CFAP251: variants seen among roughly 807,000 people sequenced by gnomAD.
CFAP251 encodes cilia- and flagella-associated protein 251.
A neutral mutation model predicts 126.7 loss-of-function variants in CFAP251; 93 were observed. That is an observed-to-expected ratio of 0.73 (90% confidence interval 0.62 to 0.87). CFAP251 has a LOEUF of 0.87. Among genes scored for constraint, CFAP251 ranks in the 40% least tolerant of loss-of-function variants. The probability of loss-of-function intolerance (pLI) is 0.00; values close to 1 mark genes in which losing one functional copy is unlikely to be tolerated. For missense variants in CFAP251, 1,287 were observed against 1,389.2 expected, an observed-to-expected ratio of 0.93 and a Z score of 1.17; for synonymous variants, 503 against 506.9, an observed-to-expected ratio of 0.99 and a Z score of 0.10.
rs551861818 is a variant in CFAP251 at position 121,943,261 on chromosome 12, C to T, written c.1191+286C>T. On this transcript the variant is annotated intron_variant, in intron 7 of 21. Coordinates refer to ENST00000288912, the MANE Select transcript of CFAP251 (RefSeq NM_144668.6). The stretch of plus-strand genomic sequence containing the variant: ...CTGGGAGGCAGAGGTTGCAGTGAGC[C>T]GAGACTGCGCCACTGCACTCCAGCC... 3.9e-3 allele frequency among the ~76,000 whole-genome samples: 595 copies of T among 152,016 alleles called. 5 individuals are homozygous for T. The highest frequency in any genetic ancestry group is 0.014 in the South Asian group (68 of 4,802).
At chr12:122,003,139 C>G (rs548157464) in intron 21 of CFAP251, among the ~76,000 whole-genome samples, 2 of 152,282 alleles carry the variant, frequency 1.3e-5, no homozygotes, top group African/African-American at 4.8e-5. Context: ...TGGTTAACAG[C>G]GTTCTGTTCC....
intron 17 of CFAP251, chr12:121,969,080 G>A (rs897660551): frequency 6.1e-6 from 6 of 985,242 alleles, no homozygotes; most frequent in Admixed American, 1.2e-4. Flanking sequence ...GTAGTGTGAC[G>A]TTGAGGAGCA....
In CFAP251 at chr12:121,921,634, T is replaced by C. The variant is rs1367722235; in HGVS notation, c.329T>C (p.Leu110Ser). Residue 110 changes from leucine to serine, a missense_variant, in exon 2 of 22, where the codon TTG becomes TCG. Transcript: ENST00000288912. ...PQEVTASMIRLETQITDSQSI... is the reference protein window; with the variant it reads ...PQEVTASMIRSETQITDSQSI... ...GAAGTCACAGCGTCCATGATCCGTT[T>C]GGAGACACAGATTACTGATTCCCAG... 3 of 1,612,706 alleles carry C rather than the reference T, an allele frequency of 1.9e-6. No individual in the cohort carries two copies. Among genetic ancestry groups the C allele is most frequent in the Non-Finnish European group, 2.5e-6 (3 of 1,179,640 alleles).
At chr12:121,928,626 G>GTGTGTGTATA (rs148145141) in intron 3 of CFAP251, among the ~76,000 whole-genome samples, 2 of 43,182 alleles carry the variant, frequency 4.6e-5, no homozygotes, top group African/African-American at 9.9e-5. Flanking sequence ...ATGTATATGT[G>GTGTGTGTATA]TATATATATA....
At chr12:121,943,010 A>C in intron 7 of CFAP251, 35 bp downstream of exon 7, 1 of 1,606,994 alleles carries the variant, frequency 6.2e-7, no homozygotes, top group Non-Finnish European at 8.5e-7. Flanking sequence ...CATCAACCTG[A>C]AGTTATACAG....
Position 121,953,850 on chromosome 12 carries a change from A to T in CFAP251, c.1321-270A>T, listed in dbSNP as rs199622117. The T allele has an allele frequency of 2.7e-4, 106 of 398,444 alleles. No homozygotes were observed. The East Asian group carries it at 4.4e-3, about 17-fold the overall frequency. 24.7% of individuals were successfully genotyped at this position (398,444 alleles called of 1,614,324 possible). ...CCTCCATAAGAGAAGTTTAACAGGTATAAACAGTGATTAACCACTCTCTCG... is the reference window on the plus strand; with the variant it reads ...CCTCCATAAGAGAAGTTTAACAGGTTTAAACAGTGATTAACCACTCTCTCG... On this transcript the variant is annotated intron_variant, in intron 9 of 21. Transcript: ENST00000288912.
At chr12:121,996,513 G>A (rs1446618180) in intron 19 of CFAP251, among the ~76,000 whole-genome samples, 8 of 152,052 alleles carry the variant, frequency 5.3e-5, no homozygotes, top group African/African-American at 9.7e-5. Flanking sequence ...TCTCTTCCTC[G>A]TGTTTTGCCA....
chr12:121,936,315 T>C (rs973440560), intron 5 of CFAP251, among the ~76,000 whole-genome samples: 1 of 152,064 alleles, frequency 6.6e-6, no homozygotes, highest in Non-Finnish European at 1.5e-5. Context: ...CATGTGGTGG[T>C]GCATGCCTGT....
intron 3 of CFAP251, among the ~76,000 whole-genome samples, chr12:121,924,904 C>G (rs1388747849): frequency 6.6e-6 from 1 of 152,026 alleles, no homozygotes; most frequent in Non-Finnish European, 1.5e-5. Flanking sequence ...AAACTCCATT[C>G]CGCCCCTTTC....
chr12:121,968,987 G>A (rs543436409), intron 17 of CFAP251: 1 of 985,384 alleles, frequency 1.0e-6, no homozygotes, highest in East Asian at 1.1e-4. Context: ...GCAGGGCAGA[G>A]TCAACCATGT....
chr12:121,967,932 A>T, intron 16 of CFAP251, 74 bp from the exon 17 acceptor site: 2 of 1,344,350 alleles, frequency 1.5e-6, no homozygotes, highest in Non-Finnish European at 2.1e-6. Context: ...TCTGGAGGTG[A>T]CATGTGAACG....
intron 3 of CFAP251, among the ~76,000 whole-genome samples, chr12:121,926,359 C>G (rs1880415031): frequency 6.6e-6 from 1 of 151,900 alleles, no homozygotes; most frequent in African/African-American, 2.4e-5. Flanking sequence ...CAGGCTCTCA[C>G]TCTATCACCC....
At chr12:121,955,375 AT>A (rs1184142136) in intron 10 of CFAP251, among the ~76,000 whole-genome samples, 1 of 152,134 alleles carries the variant, frequency 6.6e-6, no homozygotes, top group Non-Finnish European at 1.5e-5. Context: ...CAGAGTTCTC[AT>A]TTCAGCTGGG....
Position 121,975,612 on chromosome 12 carries a change from T to C in CFAP251, c.2933T>C (p.Val978Ala), listed in dbSNP as rs1226395360. The C allele has an allele frequency of 2.5e-6, 4 of 1,603,496 alleles. No homozygotes were observed. Among genetic ancestry groups the C allele is most frequent in the Non-Finnish European group, 2.5e-6 (3 of 1,177,356 alleles). The change falls in exon 19 of 22, where the codon GTG becomes GCG. Residue 978 changes from valine (V) to alanine (A), a missense_variant. Coordinates refer to ENST00000288912, the MANE Select transcript of CFAP251 (RefSeq NM_144668.6). ...ATCGACACAATGGAGACCAGAAAGG[T>C]GTCAGAACACATTTGCCTGTCAGAG... ...QGIDTMETRK[V>A]SEHICLSELP...
At position 121,959,218 on chromosome 12, in the gene CFAP251, T is replaced by C. The variant is rs1016844603; in HGVS notation, c.2133+124T>C. 4.5e-5 allele frequency: 47 copies of C among 1,033,222 alleles called. 1 individual carries two copies. The highest frequency in any genetic ancestry group is 3.4e-4 in the African/African-American group (21 of 61,602). The allele number at this position is 1,033,222 out of a possible 1,614,324, so 64.0% of individuals were successfully genotyped here. Reference sequence around the variant, plus strand: ...TTGGGAGGCCGAGGTGGGAGGATCATTGGAGGACAGGAATTCAAGACCAGC... The same window carrying C: ...TTGGGAGGCCGAGGTGGGAGGATCACTGGAGGACAGGAATTCAAGACCAGC... On this transcript the variant is annotated intron_variant, in intron 13 of 21. Transcript: ENST00000288912.
At chr12:121,979,270 C>G (rs1480126538) in intron 19 of CFAP251, among the ~76,000 whole-genome samples, 3 of 152,190 alleles carry the variant, frequency 2.0e-5, no homozygotes, top group Non-Finnish European at 2.9e-5. Context: ...TAGCACATTG[C>G]TAGAAACATA....
At position 121,954,160 on chromosome 12, in the gene CFAP251, T is replaced by G. The variant is rs375235455; in HGVS notation, c.1361T>G (p.Phe454Cys). The part of the protein sequence containing the change: ...KLVGKFSQSI[F>C]HLNLTQILSA... ...GTGGGAAAGTTTAGCCAGTCCATCT[T>G]TCACTTGAATTTAACACAAATACTC... Residue 454 changes from phenylalanine to cysteine, a missense_variant, in exon 10 of 22, where the codon TTT becomes TGT. Coordinates refer to ENST00000288912, the MANE Select transcript of CFAP251 (RefSeq NM_144668.6). 3 of 1,614,200 alleles carry G rather than the reference T, an allele frequency of 1.9e-6. No individual in the cohort carries two copies. Among genetic ancestry groups the G allele is most frequent in the Middle Eastern group, 1.6e-4 (1 of 6,062 alleles).
rs1379451598 is a variant in CFAP251, at chr12:121,974,203, C to A, written c.2772-1041C>A. Reference sequence around the variant, plus strand: ...ATTCACTTGGTCTCTCATTCTCTCTCTTGCCACTGCCATGTGAGACATGCC... The same window carrying A: ...ATTCACTTGGTCTCTCATTCTCTCTATTGCCACTGCCATGTGAGACATGCC... On this transcript the variant is annotated intron_variant, in intron 17 of 21. Coordinates refer to ENST00000288912, the MANE Select transcript of CFAP251 (RefSeq NM_144668.6). This position sits in a 1 kb window ranked among gnomAD's most constrained non-coding sequence, Gnocchi z 4.6. 6.6e-6 allele frequency among the ~76,000 whole-genome samples: 1 copy of A among 152,134 alleles called. No individual in the cohort carries two copies. Among genetic ancestry groups the A allele is most frequent in the Non-Finnish European group, 1.5e-5 (1 of 68,028 alleles).
intron 19 of CFAP251, among the ~76,000 whole-genome samples, chr12:121,987,292 AG>A (rs11339417): frequency 0.069 from 10,540 of 152,272 alleles, 1,213 homozygotes; most frequent in African/African-American, 0.24. Context: ...GTCCGTGGCC[AG>A]GCCCCTGCCC....
Sources: allele counts gnomAD v4.1 joint callset (sites outside exome capture counted in the v4.1 genomes callset), GRCh38; gene constraint gnomAD v4.1.1; non-coding constraint Gnocchi (gnomAD v3.1); transcripts MANE v1.5; gene names NCBI Gene and HGNC (gene_info 2026-07-23, HGNC 2026-07-21).